Variants in KYNU observed in about 807,000 individuals in gnomAD.
The protein encoded by KYNU is kynureninase.
KYNU carries 54 observed loss-of-function variants against 59.2 expected under a neutral mutation model. The ratio of observed to expected loss-of-function variants is 0.91; its 90% CI spans 0.73 to 1.14. KYNU has a LOEUF of 1.14. KYNU is among the 50% of genes most tolerant of loss of function. The pLI is 0.00. For missense variants in KYNU, 567 were observed against 554.4 expected (o/e 1.02, Z -0.23); for synonymous variants, 177 against 192.0 (o/e 0.92, Z 0.65).
Position 143,029,820 on chromosome 2 carries a change from G to A in KYNU, c.955+141G>A, listed in dbSNP as rs571339416. The stretch of plus-strand genomic sequence containing the variant: ...CACTGAGAATTCTCAAATAAGAAAT[G>A]ACATTTCCAGAGTGTAAGACTAAGA... On this transcript the variant is annotated intron_variant, in intron 11 of 13. Transcript: ENST00000264170. The A allele has an allele frequency of 1.2e-5, 8 of 651,200 alleles. No individual in the cohort carries two copies. In the East Asian group the frequency reaches 2.2e-4, roughly 18 times the overall value. The allele number at this position is 651,200 out of a possible 1,614,324, so 40.3% of individuals were successfully genotyped here. A position where few individuals can be genotyped will look rare whatever the true frequency, so the allele number is the denominator to read the frequency against.
chr2:142,981,894 A>G (rs962091976), intron 8 of KYNU, among the ~76,000 whole-genome samples: 3 of 152,106 alleles, frequency 2.0e-5, no homozygotes, highest in Admixed American at 6.6e-5. Context: ...TGTGGGCCAT[A>G]TGGTCCCTGT....
At chr2:142,968,234 T>C (rs903950141) in intron 8 of KYNU, among the ~76,000 whole-genome samples, 1 of 152,222 alleles carries the variant, frequency 6.6e-6, no homozygotes, top group Non-Finnish European at 1.5e-5. Flanking sequence ...TAACCTGGAT[T>C]GTCAGGGTGA....
At chr2:142,981,767 G>A (rs76399908) in intron 8 of KYNU, among the ~76,000 whole-genome samples, 4,933 of 152,070 alleles carry the variant, frequency 0.032, 253 homozygotes, top group African/African-American at 0.11. Context: ...TATAGTGAAT[G>A]AGGTTTTAAT....
chr2:142,880,209 G>C (rs1261799082), intron 1 of KYNU, among the ~76,000 whole-genome samples: 2 of 152,098 alleles, frequency 1.3e-5, no homozygotes, highest in Non-Finnish European at 2.9e-5. Flanking sequence ...AGTTCAGTAG[G>C]GTAGAACAGC....
rs1006467993 is a variant in KYNU, at chr2:143,033,427, C to T, written c.1041+106C>T. ...GCTACACAGCAAGATGATACATGTG[C>T]ACTGTGCATGAACAAGGGACAGAAG... On this transcript the variant is annotated intron_variant, in intron 12 of 13. Transcript: ENST00000264170. 72 of 859,132 alleles carry T rather than the reference C, an allele frequency of 8.4e-5. No individual in the cohort carries two copies. The African/African-American group carries it at 8.9e-4, about 11-fold the overall frequency. The allele number at this position is 859,132 out of a possible 1,614,324, so 53.2% of individuals were successfully genotyped here.
At chr2:143,029,886 A>C (rs1480309329) in intron 11 of KYNU, among the ~76,000 whole-genome samples, 1 of 152,198 alleles carries the variant, frequency 6.6e-6, no homozygotes, top group Non-Finnish European at 1.5e-5. Flanking sequence ...ATCCCTTAGC[A>C]GGGAGATAAA....
intron 4 of KYNU, among the ~76,000 whole-genome samples, chr2:142,949,138 C>T (rs1293975861): frequency 2.6e-5 from 4 of 152,330 alleles, no homozygotes; most frequent in South Asian, 4.1e-4. Flanking sequence ...GGTGGGTTCC[C>T]ATGTGGTCTT....
chr2:142,979,924 T>A (rs141490322), intron 8 of KYNU, among the ~76,000 whole-genome samples: 1 of 152,136 alleles, frequency 6.6e-6, no homozygotes, highest in Non-Finnish European at 1.5e-5. Flanking sequence ...GCAAGTTTAT[T>A]AAGAAAGTAA....
At position 143,046,454 on chromosome 2, in the gene KYNU, TTG is replaced by T. The variant is rs1018449150; in HGVS notation, c.*4284_*4285del. On this transcript the variant is annotated 3_prime_UTR_variant, in exon 14 of 14. Transcript: ENST00000264170. The stretch of plus-strand genomic sequence containing the variant: ...AAGTTCTCCTATGTTACAAGTAATT[TTG>T]TAAATGATGTGAGGTGGTGATTCTA... The T allele has an allele frequency of 1.3e-5, 2 of 152,076 alleles. No individual in the cohort carries two copies. The highest frequency in any genetic ancestry group is 1.3e-4 in the Admixed American group (2 of 15,242). The allele number at this position is 152,076 out of a possible 1,614,324, so 9.4% of individuals were successfully genotyped here. A position where few individuals can be genotyped will look rare whatever the true frequency, so the allele number is the denominator to read the frequency against.
intron 2 of KYNU, among the ~76,000 whole-genome samples, chr2:142,900,740 C>T (rs1682050427): frequency 6.6e-6 from 1 of 152,110 alleles, no homozygotes; most frequent in Admixed American, 6.5e-5. Context: ...CCGATGATTG[C>T]TCTAACTGCT....
chr2:142,964,180 G>A (rs867737063), intron 8 of KYNU, among the ~76,000 whole-genome samples: 9 of 150,144 alleles, frequency 6.0e-5, no homozygotes, highest in East Asian at 5.8e-4. Flanking sequence ...GGTTTTTTCC[G>A]TTTTATTTAG....
At chr2:142,946,888 C>T (rs557722750) in intron 4 of KYNU, among the ~76,000 whole-genome samples, 1 of 152,314 alleles carries the variant, frequency 6.6e-6, no homozygotes, top group African/African-American at 2.4e-5. Flanking sequence ...GTGAAGCCTG[C>T]ATCAATGATC....
intron 8 of KYNU, chr2:142,964,668 A>AT (rs1684472650): frequency 6.6e-6 from 1 of 152,146 alleles, no homozygotes; most frequent in African/African-American, 2.4e-5. Context: ...ATAGAAATTG[A>AT]TTTTGAAGGA....
rs142107285 is a variant in KYNU, at chr2:142,947,048, CT to C, written c.374-7760del. On this transcript the variant is annotated intron_variant, in intron 4 of 13. Transcript: ENST00000264170. ...TTTGTGGGCTGATTCTCACCTCACC[CT>C]TCCCCAAGCAACTCCTGTGACTAAT... 0.02 allele frequency: 31,550 copies of C among 1,549,918 alleles called. 1,932 individuals carry two copies. In the African/African-American group the frequency reaches 0.21, roughly 10 times the overall value.
rs546494862 is a variant in KYNU, at chr2:143,000,049, C to T, written c.902+14028C>T. On this transcript the variant is annotated intron_variant, in intron 10 of 13. Coordinates refer to ENST00000264170, the MANE Select transcript of KYNU (RefSeq NM_003937.3). The stretch of plus-strand genomic sequence containing the variant: ...TTAATACTCTATATCCAAATAAAGA[C>T]ATAAAGGAAGAAAAACATCATATGA... Among the ~76,000 whole-genome samples the T allele has an allele frequency of 4.6e-5, 7 of 152,050 alleles. 1 individual carries two copies. The highest frequency in any genetic ancestry group is 1.7e-4 in the African/African-American group (7 of 41,488).
chr2:143,032,312 A>AC (rs1484520377), intron 11 of KYNU, among the ~76,000 whole-genome samples: 1 of 151,558 alleles, frequency 6.6e-6, no homozygotes, highest in Non-Finnish European at 1.5e-5. Context: ...CAAAACAAAA[A>AC]AAACTGCTGT....
Position 143,046,154 on chromosome 2 carries a change from A to T in KYNU, c.*3982A>T, listed in dbSNP as rs1283040457. On this transcript the variant is annotated 3_prime_UTR_variant, in exon 14 of 14. Coordinates refer to ENST00000264170, the MANE Select transcript of KYNU (RefSeq NM_003937.3). ...CAGCTCACATTCTGCTCCCTCCCCAAATCCACAGATAACCATCGAATTATA... is the reference window on the plus strand; with the variant it reads ...CAGCTCACATTCTGCTCCCTCCCCATATCCACAGATAACCATCGAATTATA... The T allele has an allele frequency of 6.6e-6, 1 of 152,088 alleles. No individual in the cohort carries two copies. Among genetic ancestry groups the T allele is most frequent in the East Asian group, 1.9e-4 (1 of 5,194 alleles). 9.4% of individuals were successfully genotyped at this position (152,088 alleles called of 1,614,324 possible). A position where few individuals can be genotyped will look rare whatever the true frequency, so the allele number is the denominator to read the frequency against.
At chr2:142,947,135 C>A (rs771913049) in intron 4 of KYNU, 1 of 1,551,122 alleles carries the variant, frequency 6.4e-7, no homozygotes, top group Non-Finnish European at 8.7e-7. Context: ...CCAACACAAT[C>A]AACCTGGAAA....
intron 2 of KYNU, among the ~76,000 whole-genome samples, chr2:142,905,729 C>T (rs1011444465): frequency 7.2e-5 from 11 of 152,234 alleles, no homozygotes; most frequent in African/African-American, 1.9e-4. Flanking sequence ...AAGCAGTTAC[C>T]GCTACTGATT....
Sources: gnomAD v4.1 joint callset for allele counts (sites outside exome capture counted in the v4.1 genomes callset) on GRCh38, gnomAD v4.1.1 for gene constraint, MANE v1.5 for transcripts, NCBI Gene and HGNC (gene_info 2026-07-23, HGNC 2026-07-21) for gene names.